Variants in LRRTM4 observed in about 807,000 individuals in gnomAD.
The protein encoded by LRRTM4 is leucine rich repeat transmembrane neuronal 4, also known as leucine-rich repeat transmembrane neuronal protein 4.
LRRTM4 carries 25 observed loss-of-function variants against 47.6 expected under a neutral mutation model. That is an observed-to-expected ratio of 0.53 (90% CI 0.38 to 0.73). LRRTM4 has a LOEUF of 0.73. Ranked by LOEUF, LRRTM4 falls within the 30% of genes least tolerant of loss-of-function variation. LRRTM4 has a pLI of 0.00. For synonymous variants in LRRTM4, 311 were observed against 269.5 expected (o/e 1.15, Z -1.51); for missense variants, 638 against 713.4 (o/e 0.89, Z 1.20).
chr2:77,452,475 G>A (rs180919739), intron 3 of LRRTM4, among the ~76,000 whole-genome samples: 163 of 152,248 alleles, frequency 1.1e-3, no homozygotes, highest in African/African-American at 3.6e-3. Flanking sequence ...AAGAGGAAGC[G>A]CAGGACAGAA....
chr2:77,341,617 A>G (rs1182336468), intron 3 of LRRTM4, among the ~76,000 whole-genome samples: 2 of 152,102 alleles, frequency 1.3e-5, no homozygotes, highest in African/African-American at 4.8e-5. Flanking sequence ...GCGTAAGAGA[A>G]TGGATTCAGT....
At chr2:76,960,172 G>GA (rs1361291168) in intron 3 of LRRTM4, among the ~76,000 whole-genome samples, 107 of 147,754 alleles carry the variant, frequency 7.2e-4, no homozygotes, top group Middle Eastern at 3.5e-3. Flanking sequence ...TACCATATTT[G>GA]AAAAAAAAAA....
chr2:77,228,615 G>C (rs1170370351), intron 3 of LRRTM4, among the ~76,000 whole-genome samples: 1 of 152,144 alleles, frequency 6.6e-6, no homozygotes, highest in Non-Finnish European at 1.5e-5. Context: ...TTGGATTCCA[G>C]CCCACAGATC....
chr2:77,079,765 A>T (rs1680470426), intron 3 of LRRTM4, among the ~76,000 whole-genome samples: 2 of 152,266 alleles, frequency 1.3e-5, no homozygotes, highest in South Asian at 4.2e-4. Context: ...TATTTATTAA[A>T]TAGGTAACTG....
chr2:77,406,115 C>T (rs547790921), intron 3 of LRRTM4, among the ~76,000 whole-genome samples: 3 of 152,104 alleles, frequency 2.0e-5, no homozygotes, highest in South Asian at 4.1e-4. Flanking sequence ...TCTATAGTGT[C>T]CTGTCTTCTT....
chr2:76,807,405 TACGTATATATATATATATAC>T (rs1670525420), intron 3 of LRRTM4, among the ~76,000 whole-genome samples: 6 of 89,022 alleles, frequency 6.7e-5, no homozygotes, highest in Admixed American at 6.0e-4. Context: ...TATATGTATA[TACGTATATATATATATATAC>T]ATATATATAT....
At chr2:76,809,942 G>A (rs1051628663) in intron 3 of LRRTM4, among the ~76,000 whole-genome samples, 2 of 152,006 alleles carry the variant, frequency 1.3e-5, no homozygotes, top group Non-Finnish European at 2.9e-5. Flanking sequence ...AAACCTCATA[G>A]ACTCCTGCCC....
chr2:77,507,787 T>C (rs1444754878), intron 3 of LRRTM4, among the ~76,000 whole-genome samples: 2 of 151,952 alleles, frequency 1.3e-5, no homozygotes, highest in African/African-American at 4.8e-5. Flanking sequence ...CTAAGAGCAA[T>C]GCACAAAATG....
chr2:77,299,847 ATTT>A (rs145008759), intron 3 of LRRTM4, among the ~76,000 whole-genome samples: 12,447 of 113,724 alleles, frequency 0.11, 698 homozygotes, highest in African/African-American at 0.25. Context: ...TAAGGTAATG[ATTT>A]TTTTTTTTTT....
chr2:76,916,332 C>A (rs534205085), intron 3 of LRRTM4, among the ~76,000 whole-genome samples: 1 of 135,396 alleles, frequency 7.4e-6, no homozygotes, highest in Non-Finnish European at 1.5e-5. Flanking sequence ...TTGCAGTCAG[C>A]AGCGATCGTG....
At chr2:76,995,695 G>A (rs965551034) in intron 3 of LRRTM4, among the ~76,000 whole-genome samples, 1 of 151,996 alleles carries the variant, frequency 6.6e-6, no homozygotes, top group Admixed American at 6.6e-5. Context: ...CTGGGACCAA[G>A]GTAAGCCATA....
rs554113333 is a variant in LRRTM4, at chr2:77,220,489, C to A, written c.1551+297829G>T. Among the ~76,000 whole-genome samples the A allele has an allele frequency of 3.9e-5, 6 of 152,224 alleles. No individual in the cohort carries two copies. In the East Asian group the frequency reaches 9.7e-4, roughly 25 times the overall value. Reference sequence around the variant, plus strand: ...TTAGACGAATGGATAACTAGAATAACCAATGCAGAGAAGTCCTTAAAGGAC... The same window carrying A: ...TTAGACGAATGGATAACTAGAATAAACAATGCAGAGAAGTCCTTAAAGGAC... On this transcript the variant is annotated intron_variant, in intron 3 of 3. Coordinates refer to ENST00000409884, the MANE Select transcript of LRRTM4 (RefSeq NM_001134745.3).
intron 3 of LRRTM4, among the ~76,000 whole-genome samples, chr2:76,977,931 T>G (rs765875275): frequency 2.2e-4 from 34 of 151,998 alleles, no homozygotes; most frequent in Non-Finnish European, 4.1e-4. Flanking sequence ...AAGAAAGAAC[T>G]GAAAGGCTTG....
At chr2:77,349,647 G>A (rs1264580685) in intron 3 of LRRTM4, among the ~76,000 whole-genome samples, 1 of 151,900 alleles carries the variant, frequency 6.6e-6, no homozygotes, top group Non-Finnish European at 1.5e-5. Flanking sequence ...AAAGGAAAAT[G>A]AGTACATATG....
intron 3 of LRRTM4, among the ~76,000 whole-genome samples, chr2:77,430,197 A>T (rs1355800610): frequency 2.0e-5 from 3 of 152,224 alleles, no homozygotes; most frequent in Non-Finnish European, 4.4e-5. Context: ...GCATATGTTA[A>T]TTAGCTAGCT....
At chr2:77,286,164 G>T (rs1676652144) in intron 3 of LRRTM4, among the ~76,000 whole-genome samples, 1 of 151,982 alleles carries the variant, frequency 6.6e-6, no homozygotes, top group African/African-American at 2.4e-5. Context: ...GACCAGTCAA[G>T]TTGCCTCAAT....
At chr2:76,899,957 G>T (rs566647716) in intron 3 of LRRTM4, among the ~76,000 whole-genome samples, 6 of 152,010 alleles carry the variant, frequency 3.9e-5, no homozygotes, top group Non-Finnish European at 8.8e-5. Context: ...CACCAGGTGC[G>T]GTGGCTCACA....
intron 3 of LRRTM4, among the ~76,000 whole-genome samples, chr2:77,437,345 A>G (rs1675643380): frequency 6.6e-6 from 1 of 151,990 alleles, no homozygotes; most frequent in South Asian, 2.1e-4. Flanking sequence ...CAGAGATTCA[A>G]CCCTCTAATG....
rs576782951 is a variant in LRRTM4 at position 77,234,173 on chromosome 2, A to G, written c.1551+284145T>C. The stretch of plus-strand genomic sequence containing the variant: ...ATCTGACAATGTGTTGGTAACATCT[A>G]TTGAATTGGGTTATGAAAACCCAAA... On this transcript the variant is annotated intron_variant, in intron 3 of 3. Transcript: ENST00000409884. 2.6e-5 allele frequency among the ~76,000 whole-genome samples: 4 copies of G among 152,356 alleles called. No homozygotes were observed. In the East Asian group the frequency reaches 7.7e-4, roughly 29 times the overall value.
Sources: allele counts gnomAD v4.1 joint callset (sites outside exome capture counted in the v4.1 genomes callset), GRCh38; gene constraint gnomAD v4.1.1; transcripts MANE v1.5; gene names NCBI Gene and HGNC (gene_info 2026-07-23, HGNC 2026-07-21).